The following ZNF678 variants were observed in gnomAD, a reference collection of about 807,000 sequenced individuals.
ZNF678 encodes the protein zinc finger protein 678.
In ZNF678, 5 loss-of-function variants were observed where a neutral mutation model predicts 3.0. The ratio of observed to expected loss-of-function variants is 1.69; its 90% CI spans 0.88 to 3.56. The LOEUF is 3.56. Among genes scored for constraint, ZNF678 ranks in the 30% most tolerant of loss-of-function variants. The pLI is 0.00. For synonymous variants in ZNF678, 218 were observed against 199.6 expected (o/e 1.09, Z -0.78); for missense variants, 593 against 605.0 (o/e 0.98, Z 0.21).
At chr1:227,640,880 G>A (rs1658802765) in intron 1 of ZNF678, among the ~76,000 whole-genome samples, 1 of 152,184 alleles carries the variant, frequency 6.6e-6, no homozygotes, top group Non-Finnish European at 1.5e-5. Flanking sequence ...ATGATAAAAG[G>A]AGCGATCATC....
At chr1:227,678,001 G>A (rs1659712395), downstream of ZNF678, among the ~76,000 whole-genome samples, 1 of 152,120 alleles carries the variant, frequency 6.6e-6, no homozygotes, top group Non-Finnish European at 1.5e-5. Context: ...GAAATCACAG[G>A]GAAAGACCCC....
chr1:227,654,541 T>C lies in ZNF678; in HGVS notation c.291T>C (p.Phe97=). The C allele has an allele frequency of 1.2e-6, 2 of 1,613,372 alleles. No homozygotes were observed. The highest frequency in any genetic ancestry group is 1.7e-6 in the Non-Finnish European group (2 of 1,179,550). ...TQCSSTKSKI[F]QCIECGRNFS... ...GTTCATCAACTAAAAGCAAAATCTT[T>C]CAATGTATTGAATGTGGCAGAAATT... The change falls in exon 4 of 4, where the codon TTT becomes TTC. Residue 97 remains phenylalanine (F), a synonymous_variant. Coordinates refer to ENST00000343776, the MANE Select transcript of ZNF678 (RefSeq NM_001367909.1).
chr1:227,584,474 C>T (rs1657208687), intron 1 of ZNF678, among the ~76,000 whole-genome samples: 1 of 152,224 alleles, frequency 6.6e-6, no homozygotes, highest in African/African-American at 2.4e-5. Context: ...ATTTACCTTG[C>T]TCTATCTCCA....
intron 1 of ZNF678, among the ~76,000 whole-genome samples, chr1:227,629,180 C>T (rs1380025132): frequency 6.6e-6 from 1 of 152,110 alleles, no homozygotes; most frequent in Non-Finnish European, 1.5e-5. Flanking sequence ...CCTTCTTGTG[C>T]CTCGGGTCTA....
At chr1:227,565,200 G>A (rs1656643428) in intron 1 of ZNF678, among the ~76,000 whole-genome samples, 2 of 151,796 alleles carry the variant, frequency 1.3e-5, no homozygotes, top group South Asian at 2.1e-4. Context: ...CAAGTAGCTG[G>A]GACTACAGGC....
In ZNF678 at chr1:227,563,721, A is replaced by G; in HGVS notation, c.-167A>G. On this transcript the variant is annotated 5_prime_UTR_variant, in exon 1 of 4. Coordinates refer to ENST00000343776, the MANE Select transcript of ZNF678 (RefSeq NM_001367909.1). ...TGCCAGGACACCCCGAAAGCCGGAA[A>G]ACGGTGAGAGTTCCCGGGAGGGTGT... 5 of 1,328,442 alleles carry G rather than the reference A, an allele frequency of 3.8e-6. No homozygotes were observed. Among genetic ancestry groups the G allele is most frequent in the Non-Finnish European group, 5.0e-6 (5 of 1,000,876 alleles). The allele number at this position is 1,328,442 out of a possible 1,614,324, so 82.3% of individuals were successfully genotyped here. A position where few individuals can be genotyped will look rare whatever the true frequency, so the allele number is the denominator to read the frequency against.
At chr1:227,649,399 G>A (rs1356650484) in intron 2 of ZNF678, among the ~76,000 whole-genome samples, 1 of 152,230 alleles carries the variant, frequency 6.6e-6, no homozygotes, top group Non-Finnish European at 1.5e-5. Context: ...TGCCCAAGCT[G>A]GAGTGCAATA....
intron 1 of ZNF678, among the ~76,000 whole-genome samples, chr1:227,604,370 T>A (rs1303236967): frequency 6.6e-6 from 1 of 152,190 alleles, no homozygotes. Flanking sequence ...TTCTACTGCA[T>A]AAGAAGGGAT....
downstream of ZNF678, chr1:227,677,459 G>C (rs1455825022): frequency 6.6e-6 from 1 of 152,246 alleles, no homozygotes; most frequent in African/African-American, 2.4e-5. Context: ...AACCCTTAAA[G>C]TTAACTCTTG....
intron 1 of ZNF678, among the ~76,000 whole-genome samples, chr1:227,591,666 A>C (rs1337210396): frequency 6.6e-6 from 1 of 152,198 alleles, no homozygotes; most frequent in Non-Finnish European, 1.5e-5. Context: ...TGGGAGGCTC[A>C]GATGGGTCAT....
At chr1:227,589,565 G>A (rs1435557566) in intron 1 of ZNF678, among the ~76,000 whole-genome samples, 5 of 151,600 alleles carry the variant, frequency 3.3e-5, no homozygotes, top group African/African-American at 1.2e-4. Flanking sequence ...CAAGCTCCCC[G>A]AGTGAGCAAT....
At chr1:227,564,422 C>T (rs1656615930) in intron 1 of ZNF678, among the ~76,000 whole-genome samples, 1 of 152,218 alleles carries the variant, frequency 6.6e-6, no homozygotes, top group Non-Finnish European at 1.5e-5. Flanking sequence ...CTAGAGCCAC[C>T]TCAGTCTAAT....
chr1:227,571,784 T>G (rs1656849471), intron 1 of ZNF678, among the ~76,000 whole-genome samples: 1 of 152,230 alleles, frequency 6.6e-6, no homozygotes. Context: ...GGCTCATGCC[T>G]GTAATCCCAG....
intron 1 of ZNF678, among the ~76,000 whole-genome samples, chr1:227,617,484 T>G (rs1331496630): frequency 6.6e-6 from 1 of 152,210 alleles, no homozygotes; most frequent in Non-Finnish European, 1.5e-5. Flanking sequence ...AACAAATGGT[T>G]CGGCACAATA....
intron 1 of ZNF678, 120 bp from the exon 2 acceptor site, chr1:227,646,424 A>G (rs748748060): frequency 3.1e-6 from 3 of 954,464 alleles, no homozygotes; most frequent in South Asian, 1.4e-5. Flanking sequence ...GTTTTAAACA[A>G]TGTCTTACTG....
intron 2 of ZNF678, among the ~76,000 whole-genome samples, chr1:227,649,151 T>C (rs980870380): frequency 7.9e-5 from 12 of 152,232 alleles, no homozygotes; most frequent in African/African-American, 2.9e-4. Flanking sequence ...TTGTGAATGA[T>C]ACTGTAATAA....
chr1:227,603,119 A>T (rs1657776459), intron 1 of ZNF678, among the ~76,000 whole-genome samples: 1 of 152,186 alleles, frequency 6.6e-6, no homozygotes, highest in Admixed American at 6.5e-5. Flanking sequence ...TGGCTGCCTC[A>T]GCATCTCCAC....
chr1:227,605,971 A>G (rs1657857653), intron 1 of ZNF678, among the ~76,000 whole-genome samples: 1 of 152,264 alleles, frequency 6.6e-6, no homozygotes, highest in Non-Finnish European at 1.5e-5. Flanking sequence ...GTCAAGGTGT[A>G]TAACTCTTTT....
intron 1 of ZNF678, among the ~76,000 whole-genome samples, chr1:227,630,770 A>AG (rs1558148896): frequency 6.6e-6 from 1 of 152,144 alleles, no homozygotes; most frequent in Non-Finnish European, 1.5e-5. Context: ...TTTGGGTTGA[A>AG]GGGGGGTCCT....
Sources: gnomAD v4.1 joint callset for allele counts (sites outside exome capture counted in the v4.1 genomes callset) on GRCh38, gnomAD v4.1.1 for gene constraint, MANE v1.5 for transcripts, NCBI Gene and HGNC (gene_info 2026-07-23, HGNC 2026-07-21) for gene names.